The following SMAP1 variants were observed in gnomAD, a reference collection of about 807,000 sequenced individuals.
SMAP1 encodes the protein stromal membrane-associated protein 1.
A neutral mutation model predicts 58.5 loss-of-function variants in SMAP1; 24 were observed. That is an observed-to-expected ratio of 0.41 (90% CI 0.30 to 0.58). The LOEUF is 0.58. Ranked by LOEUF, SMAP1 falls within the 20% of genes least tolerant of loss-of-function variation. The pLI is 0.29. For missense variants in SMAP1, 563 were observed against 566.3 expected, an observed-to-expected ratio of 0.99 and a Z score of 0.06; for synonymous variants, 216 against 196.6, an observed-to-expected ratio of 1.10 and a Z score of -0.82.
intron 6 of SMAP1, among the ~76,000 whole-genome samples, chr6:70,800,548 G>C (rs1177334141): frequency 6.6e-6 from 1 of 151,936 alleles, no homozygotes; most frequent in Non-Finnish European, 1.5e-5. Flanking sequence ...TTAAGTTCTA[G>C]GGTATATGTG....
intron 4 of SMAP1, among the ~76,000 whole-genome samples, chr6:70,782,204 C>A (rs1767792674): frequency 1.3e-5 from 2 of 152,112 alleles, no homozygotes; most frequent in Admixed American, 1.3e-4. Flanking sequence ...ATATCTGTTA[C>A]AAAATAAATT....
chr6:70,692,135 G>A (rs1048452070), intron 1 of SMAP1, among the ~76,000 whole-genome samples: 1 of 152,124 alleles, frequency 6.6e-6, no homozygotes, highest in Admixed American at 6.5e-5. Flanking sequence ...ATTTTAACTG[G>A]AGTGAGATGA....
intron 6 of SMAP1, among the ~76,000 whole-genome samples, chr6:70,809,194 A>G (rs569159595): frequency 1.3e-5 from 2 of 152,304 alleles, no homozygotes; most frequent in African/African-American, 2.4e-5. Context: ...AGAGAAGACC[A>G]CTGCTTTTGA....
At chr6:70,825,992 G>A (rs907919178) in intron 6 of SMAP1, among the ~76,000 whole-genome samples, 6 of 152,170 alleles carry the variant, frequency 3.9e-5, no homozygotes, top group African/African-American at 7.2e-5. Flanking sequence ...ATTAGGAAAC[G>A]TGTTCTTCAT....
rs765204979 is a variant in SMAP1 at position 70,857,984 on chromosome 6, T to C, written c.1024T>C (p.Phe342Leu). Residue 342 changes from phenylalanine (F) to leucine (L), a missense_variant, in exon 10 of 11, where the codon TTT (phenylalanine) becomes CTT (leucine). Phe to Leu is a conservative substitution (Grantham distance 22). Coordinates refer to ENST00000370455, the MANE Select transcript of SMAP1 (RefSeq NM_001044305.3). ...TSQAPAAFQGFPSMGVPVPAA... is the reference protein window; with the variant it reads ...TSQAPAAFQGLPSMGVPVPAA... ...ACAAGCACCAGCTGCATTTCAGGGCTTTCCATCGATGGGCGTGCCTGTGCC... is the reference window on the plus strand; with the variant it reads ...ACAAGCACCAGCTGCATTTCAGGGCCTTCCATCGATGGGCGTGCCTGTGCC... The C allele has an allele frequency of 4.3e-6, 7 of 1,614,172 alleles. No homozygotes were observed. Among genetic ancestry groups the C allele is most frequent in the Non-Finnish European group, 5.9e-6 (7 of 1,180,004 alleles).
At position 70,857,749 on chromosome 6, in the gene SMAP1, A is replaced by G. The variant is rs1009035648; in HGVS notation, c.962-173A>G. On this transcript the variant is annotated intron_variant, in intron 9 of 10. Transcript: ENST00000370455. ...TAACTGATTTGTCTGCATCCTAGAA[A>G]CAACCAGCTCTCAGGGTTTAGGTGT... is the stretch of plus-strand genomic sequence containing the variant. 2.4e-5 allele frequency: 15 copies of G among 622,102 alleles called. 1 individual carries two copies. Among genetic ancestry groups the G allele is most frequent in the South Asian group, 2.0e-4 (10 of 49,084 alleles). The allele number at this position is 622,102 out of a possible 1,614,324, so 38.5% of individuals were successfully genotyped here. A position where few individuals can be genotyped will look rare whatever the true frequency, so the allele number is the denominator to read the frequency against.
intron 1 of SMAP1, among the ~76,000 whole-genome samples, chr6:70,708,010 G>T (rs1562105415): frequency 6.6e-6 from 1 of 152,102 alleles, no homozygotes; most frequent in Non-Finnish European, 1.5e-5. Context: ...GTATATTGCA[G>T]TGTAGTAACA....
At chr6:70,821,607 A>G (rs969281576) in intron 6 of SMAP1, among the ~76,000 whole-genome samples, 2 of 152,202 alleles carry the variant, frequency 1.3e-5, no homozygotes, top group African/African-American at 2.4e-5. Flanking sequence ...TTCAGCCAAG[A>G]TGGTTTGCTC....
chr6:70,679,770 G>T (rs528761767), intron 1 of SMAP1, among the ~76,000 whole-genome samples: 15 of 152,170 alleles, frequency 9.9e-5, no homozygotes, highest in African/African-American at 3.6e-4. Context: ...CATGCTCATG[G>T]ATTAGAAGAC....
intron 6 of SMAP1, among the ~76,000 whole-genome samples, chr6:70,804,420 C>T (rs538286405): frequency 2.2e-4 from 33 of 151,770 alleles, no homozygotes; most frequent in Non-Finnish European, 2.8e-4. Flanking sequence ...GAATACAGCA[C>T]GCTGATGGTG....
chr6:70,837,749 C>A, intron 7 of SMAP1: 3 of 1,177,986 alleles, frequency 2.5e-6, no homozygotes, highest in Non-Finnish European at 3.2e-6. Flanking sequence ...AGCCTTGGCA[C>A]AGGAATAATT....
rs552779807 is a variant in SMAP1 at position 70,852,810 on chromosome 6, C to CT, written c.789+146_789+147insT. ...TTAGGCTAGAGTTTAGCAAACTAAG[C>CT]CAGCAGCTTGTTTTTGCAAATAAAG... is the stretch of plus-strand genomic sequence containing the variant. On this transcript the variant is annotated intron_variant, in intron 8 of 10. Coordinates refer to ENST00000370455, the MANE Select transcript of SMAP1 (RefSeq NM_001044305.3). 5.5e-5 allele frequency: 53 copies of CT among 963,928 alleles called. No homozygotes were observed. The African/African-American group carries it at 8.1e-4, about 15-fold the overall frequency. The allele number at this position is 963,928 out of a possible 1,614,324, so 59.7% of individuals were successfully genotyped here. A position where few individuals can be genotyped will look rare whatever the true frequency, so the allele number is the denominator to read the frequency against.
At chr6:70,757,630 G>A (rs969358503) in intron 3 of SMAP1, among the ~76,000 whole-genome samples, 2 of 151,714 alleles carry the variant, frequency 1.3e-5, no homozygotes, top group African/African-American at 4.8e-5. Context: ...TCTGACAGAG[G>A]GCTAATATCC....
intron 3 of SMAP1, among the ~76,000 whole-genome samples, chr6:70,769,524 T>C (rs1365023140): frequency 6.6e-6 from 1 of 152,202 alleles, no homozygotes; most frequent in Non-Finnish European, 1.5e-5. Flanking sequence ...CTTTGTCTCT[T>C]TTGATCTGTG....
intron 1 of SMAP1, among the ~76,000 whole-genome samples, chr6:70,702,583 C>T (rs1356016821): frequency 6.6e-6 from 1 of 151,744 alleles, no homozygotes; most frequent in Non-Finnish European, 1.5e-5. Context: ...ACATGCACTC[C>T]ATGCCTCATG....
At chr6:70,766,508 A>AT (rs1351585512) in intron 3 of SMAP1, among the ~76,000 whole-genome samples, 29 of 151,936 alleles carry the variant, frequency 1.9e-4, no homozygotes, top group African/African-American at 7.0e-4. Flanking sequence ...GATGGTGAGC[A>AT]TTTTTTCGTG....
In SMAP1 at chr6:70,861,510, G is replaced by A; in HGVS notation, c.*1176G>A. 1.5e-6 allele frequency: 1 copy of A among 648,508 alleles called. No homozygotes were observed. The highest frequency in any genetic ancestry group is 2.7e-6 in the Non-Finnish European group (1 of 371,232). 40.2% of individuals were successfully genotyped at this position (648,508 alleles called of 1,614,324 possible). On this transcript the variant is annotated 3_prime_UTR_variant, in exon 11 of 11. Transcript: ENST00000370455. ...CCAATTAGCTTATGTTAACTGACAA[G>A]CTCCATTTAAACAGATGTCCATCAG...
chr6:70,767,369 C>A (rs886496434), intron 3 of SMAP1, among the ~76,000 whole-genome samples: 41 of 152,274 alleles, frequency 2.7e-4, no homozygotes, highest in African/African-American at 9.9e-4. Flanking sequence ...TTGACTCTTC[C>A]TACCCATGAG....
Position 70,858,287 on chromosome 6 carries a change from CTTTTTTTTTTTT to C in SMAP1, c.1269+75_1269+86del, listed in dbSNP as rs68188898. On this transcript the variant is annotated intron_variant, in intron 10 of 10. Coordinates refer to ENST00000370455, the MANE Select transcript of SMAP1 (RefSeq NM_001044305.3). The stretch of plus-strand genomic sequence containing the variant: ...ATCAAACCAGATTTATTTTCTAAAT[CTTTTTTTTTTTT>C]TTTTTTTTTTTTTTTTAAGTCTAGT... 942 of 290,540 alleles carry C rather than the reference CTTTTTTTTTTTT, an allele frequency of 3.2e-3. 3 individuals carry two copies. The highest frequency in any genetic ancestry group is 4.4e-3 in the Non-Finnish European group (781 of 177,172). 18.0% of individuals were successfully genotyped at this position (290,540 alleles called of 1,614,324 possible).
Sources: gnomAD v4.1 joint callset for allele counts (sites outside exome capture counted in the v4.1 genomes callset) on GRCh38, gnomAD v4.1.1 for gene constraint, MANE v1.5 for transcripts, NCBI Gene and HGNC (gene_info 2026-07-23, HGNC 2026-07-21) for gene names.